ZEB2: variants seen among roughly 807,000 people sequenced by gnomAD.
ZEB2 encodes the protein zinc finger E-box-binding homeobox 2.
In ZEB2, 6 loss-of-function variants were observed where a neutral mutation model predicts 99.9. The ratio of observed to expected loss-of-function variants is 0.06; its 90% CI spans 0.03 to 0.12. ZEB2 has a LOEUF of 0.12. Among genes scored for constraint, ZEB2 ranks in the 10% least tolerant of loss-of-function variants. The probability of loss-of-function intolerance (pLI) is 1.00; values close to 1 mark genes in which losing one functional copy is unlikely to be tolerated. For missense variants in ZEB2, 969 were observed against 1,502.8 expected (o/e 0.64, Z 5.87); for synonymous variants, 517 against 542.5 (o/e 0.95, Z 0.65).
intron 2 of ZEB2, chr2:144,495,891 G>A (rs1704751230): frequency 6.6e-6 from 1 of 152,220 alleles, no homozygotes; most frequent in Non-Finnish European, 1.5e-5. Context: ...GAGCCCTGTG[G>A]CTTGGCCCAC....
At chr2:144,458,594 C>T (rs1009035065) in intron 2 of ZEB2, among the ~76,000 whole-genome samples, 12 of 152,026 alleles carry the variant, frequency 7.9e-5, no homozygotes, top group African/African-American at 2.4e-4. Context: ...ACAAGAGATA[C>T]TTCAATTTTC....
At position 144,398,940 on chromosome 2, in the gene ZEB2, G is replaced by A. The variant is rs1560606411; in HGVS notation, c.2247C>T (p.Asn749=). Residue 749 remains asparagine (N), a synonymous_variant, in exon 8 of 10, where the codon AAC becomes AAT. Transcript: ENST00000627532. Reference sequence around the variant, plus strand: ...GAGGAGGATCACAATTCGTAACACTGTTGTGGAGTTCTGCTATAGATGGTG... The same window carrying A: ...GAGGAGGATCACAATTCGTAACACTATTGTGGAGTTCTGCTATAGATGGTG... ...ITSPSIAELH[N]SVTNCDPPLR... 6.2e-7 allele frequency: 1 copy of A among 1,614,212 alleles called. No homozygotes were observed. Among genetic ancestry groups the A allele is most frequent in the Non-Finnish European group, 8.5e-7 (1 of 1,180,040 alleles).
At chr2:144,486,370 G>GTT (rs10710970) in intron 2 of ZEB2, among the ~76,000 whole-genome samples, 2 of 145,870 alleles carry the variant, frequency 1.4e-5, no homozygotes, top group African/African-American at 5.0e-5. Flanking sequence ...GTACTAGAAG[G>GTT]TTTTTTTTTT....
rs1703059406 is a variant in ZEB2 at position 144,384,835 on chromosome 2, A to G, written c.*4616T>C. On this transcript the variant is annotated 3_prime_UTR_variant, in exon 10 of 10. Coordinates refer to ENST00000627532, the MANE Select transcript of ZEB2 (RefSeq NM_014795.4). ...AACCAAAGCTAAGCCTTCAGTCTGA[A>G]TCTTTTTTTATGATGGGCACAAGCC... 6.6e-6 allele frequency: 1 copy of G among 152,148 alleles called. No homozygotes were observed. Among genetic ancestry groups the G allele is most frequent in the African/African-American group, 2.4e-5 (1 of 41,448 alleles). The allele number at this position is 152,148 out of a possible 1,614,324, so 9.4% of individuals were successfully genotyped here.
chr2:144,517,900 T>A, intron 1 of ZEB2: 1 of 398,540 alleles, frequency 2.5e-6, no homozygotes, highest in Non-Finnish European at 4.4e-6. Flanking sequence ...TGAAGCACAC[T>A]CGGGCAAATT....
At chr2:144,391,283 T>C (rs1032151643) in intron 9 of ZEB2, among the ~76,000 whole-genome samples, 2 of 152,240 alleles carry the variant, frequency 1.3e-5, no homozygotes, top group Non-Finnish European at 2.9e-5. Flanking sequence ...TTAATGGTCT[T>C]TATTTAACTG....
At chr2:144,413,125 T>A (rs2149883632) in intron 4 of ZEB2, among the ~76,000 whole-genome samples, 1 of 152,360 alleles carries the variant, frequency 6.6e-6, no homozygotes, top group South Asian at 2.1e-4. Flanking sequence ...AGTTTGCTTT[T>A]TCTTTACTGG....
intron 4 of ZEB2, among the ~76,000 whole-genome samples, chr2:144,420,194 A>G (rs1703601103): frequency 6.6e-6 from 1 of 152,172 alleles, no homozygotes; most frequent in Non-Finnish European, 1.5e-5. Context: ...CCTTAGGGCA[A>G]ACATTTTTTT....
chr2:144,468,045 A>C (rs2149907828), intron 2 of ZEB2, among the ~76,000 whole-genome samples: 1 of 152,196 alleles, frequency 6.6e-6, no homozygotes, highest in South Asian at 2.1e-4. Context: ...GGTAATAGAG[A>C]CTTCAAAGGG....
At chr2:144,495,080 T>C (rs759121503) in intron 2 of ZEB2, 7 of 152,268 alleles carry the variant, frequency 4.6e-5, no homozygotes, top group East Asian at 1.9e-4. Context: ...AGTTTTGCTA[T>C]GTTCGGTCCT....
intron 6 of ZEB2, among the ~76,000 whole-genome samples, chr2:144,402,194 T>C (rs1703321469): frequency 6.6e-6 from 1 of 152,136 alleles, no homozygotes; most frequent in Admixed American, 6.5e-5. Context: ...GCAGTGTGAC[T>C]TAGAATTCTG....
intron 2 of ZEB2, among the ~76,000 whole-genome samples, chr2:144,484,185 TTGTG>T (rs10529605): frequency 6.3e-5 from 9 of 142,524 alleles, no homozygotes; most frequent in South Asian, 2.3e-4. Context: ...AAATCTGGAT[TTGTG>T]TGTGTGTGTG....
chr2:144,492,223 G>A (rs1704691659), intron 2 of ZEB2, among the ~76,000 whole-genome samples: 1 of 152,150 alleles, frequency 6.6e-6, no homozygotes, highest in African/African-American at 2.4e-5. Flanking sequence ...AGTACAGAAG[G>A]TACTTCTGCA....
At chr2:144,482,933 G>A (rs1560643638) in intron 2 of ZEB2, among the ~76,000 whole-genome samples, 1 of 151,838 alleles carries the variant, frequency 6.6e-6, no homozygotes, top group Non-Finnish European at 1.5e-5. Context: ...TTTATATATG[G>A]AGGGTGCTTT....
At chr2:144,515,516 A>C (rs1241639359) in intron 2 of ZEB2, among the ~76,000 whole-genome samples, 1 of 134,180 alleles carries the variant, frequency 7.5e-6, no homozygotes, top group South Asian at 2.3e-4. Context: ...AAATTAAATT[A>C]AGAGAGAGAG....
intron 2 of ZEB2, among the ~76,000 whole-genome samples, chr2:144,444,106 A>G (rs1294488862): frequency 1.3e-5 from 2 of 152,168 alleles, no homozygotes; most frequent in Non-Finnish European, 2.9e-5. Context: ...TTGTCTTTGC[A>G]CTCTAACATT....
At chr2:144,488,666 T>TATGA (rs1227305607) in intron 2 of ZEB2, among the ~76,000 whole-genome samples, 1 of 72,116 alleles carries the variant, frequency 1.4e-5, no homozygotes, top group Non-Finnish European at 3.5e-5. Context: ...ATTGCTCGTG[T>TATGA]GTGAGTGTGT....
At chr2:144,457,936 T>C (rs1704142630) in intron 2 of ZEB2, among the ~76,000 whole-genome samples, 1 of 152,156 alleles carries the variant, frequency 6.6e-6, no homozygotes, top group African/African-American at 2.4e-5. Context: ...AGGTATTCAA[T>C]TAAAAATACC....
intron 2 of ZEB2, chr2:144,513,692 A>C: frequency 6.5e-7 from 1 of 1,535,732 alleles, no homozygotes; most frequent in South Asian, 1.2e-5. Context: ...CCGCTGCCCG[A>C]ATCAGGGGCA....
Sources: gnomAD v4.1 joint callset for allele counts (sites outside exome capture counted in the v4.1 genomes callset) on GRCh38, gnomAD v4.1.1 for gene constraint, MANE v1.5 for transcripts, NCBI Gene and HGNC (gene_info 2026-07-23, HGNC 2026-07-21) for gene names.